LOXL4: variants seen among roughly 807,000 people sequenced by gnomAD.
The protein encoded by LOXL4 is lysyl oxidase like 4.
LOXL4 carries 72 observed loss-of-function variants against 89.1 expected under a neutral mutation model. The observed-to-expected ratio is 0.81, with a 90% CI of 0.67 to 0.98. The LOEUF (loss-of-function observed/expected upper bound fraction) is 0.98. Ranked by LOEUF, LOXL4 falls within the 50% of genes least tolerant of loss-of-function variation. The probability of loss-of-function intolerance (pLI) is 0.00; values close to 1 mark genes in which losing one functional copy is unlikely to be tolerated. For missense variants in LOXL4, 984 were observed against 1,017.5 expected (o/e 0.97, Z 0.45); for synonymous variants, 355 against 392.1 (o/e 0.91, Z 1.12).
At chr10:98,251,039 C>G (rs1858175299) in intron 14 of LOXL4, 26 bp downstream of exon 14, 1 of 1,551,220 alleles carries the variant, frequency 6.4e-7, no homozygotes, top group Non-Finnish European at 8.9e-7. Context: ...CTATAGATGG[C>G]TGATTCCACA....
At chr10:98,255,802 T>G in intron 9 of LOXL4, 63 bp from the exon 10 acceptor site, 3 of 1,561,934 alleles carry the variant, frequency 1.9e-6, no homozygotes, top group Non-Finnish European at 2.6e-6. Flanking sequence ...GACTCCCATC[T>G]GAGGTGTGGC....
At chr10:98,249,106 G>C in intron 14 of LOXL4, 115 bp from the exon 15 acceptor site, 1 of 757,954 alleles carries the variant, frequency 1.3e-6, no homozygotes, top group South Asian at 1.6e-5. Context: ...TCATGGCATG[G>C]GCACAGACAC....
chr10:98,251,396 G>C (rs936851760), intron 13 of LOXL4, among the ~76,000 whole-genome samples, 170 bp downstream of exon 13: 8 of 152,224 alleles, frequency 5.3e-5, no homozygotes, highest in Non-Finnish European at 1.2e-4. Flanking sequence ...CTCAAACACA[G>C]GTTCATTGGA....
intron 6 of LOXL4, among the ~76,000 whole-genome samples, chr10:98,258,525 G>A (rs541060749): frequency 2.7e-5 from 4 of 150,492 alleles, no homozygotes; most frequent in Admixed American, 6.6e-5. Flanking sequence ...ACCACCTCAC[G>A]AGGCCATCTC....
intron 1 of LOXL4, among the ~76,000 whole-genome samples, chr10:98,264,810 G>A (rs1195322505): frequency 1.3e-5 from 2 of 152,180 alleles, no homozygotes; most frequent in South Asian, 2.1e-4. Context: ...ACAGGGGATG[G>A]AGAAGATGGG....
At chr10:98,261,255 G>T in intron 3 of LOXL4, 128 bp from the exon 4 acceptor site, 1 of 946,658 alleles carries the variant, frequency 1.1e-6, no homozygotes, top group Non-Finnish European at 1.6e-6. Context: ...CCCGGTCATT[G>T]AACAGGCCAG....
rs1858644544 is a variant in LOXL4, at chr10:98,265,000, G to A, written c.-32-1949C>T. Among the ~76,000 whole-genome samples the A allele has an allele frequency of 2.0e-5, 3 of 152,200 alleles. No individual in the cohort carries two copies. In the South Asian group the frequency reaches 6.2e-4, roughly 32 times the overall value. ...CTTGGCCAGCAGGGCTGGGTGGAGT[G>A]GGCTCCTAAAAGTGCACTAAACAAG... On this transcript the variant is annotated intron_variant, in intron 1 of 14. Transcript: ENST00000260702.
chr10:98,248,657 C>A lies in LOXL4; in HGVS notation c.*264G>T. ...CAAGATTCAGGGATGACTGGGTTTCCTTACAGAAGAGGAGCTCAGCTGAGC... is the reference window on the plus strand; with the variant it reads ...CAAGATTCAGGGATGACTGGGTTTCATTACAGAAGAGGAGCTCAGCTGAGC... On this transcript the variant is annotated 3_prime_UTR_variant, in exon 15 of 15. Transcript: ENST00000260702. 2.3e-6 allele frequency: 1 copy of A among 426,512 alleles called. No individual in the cohort carries two copies. The highest frequency in any genetic ancestry group is 4.2e-6 in the Non-Finnish European group (1 of 236,224). 26.4% of individuals were successfully genotyped at this position (426,512 alleles called of 1,614,324 possible).
At chr10:98,261,486 G>A (rs1472830180) in intron 3 of LOXL4, among the ~76,000 whole-genome samples, 1 of 152,190 alleles carries the variant, frequency 6.6e-6, no homozygotes. Flanking sequence ...CCCTGAGAGA[G>A]CTGAGATGGG....
chr10:98,253,766 A>T lies in LOXL4; in HGVS notation c.1622T>A (p.Leu541Gln), dbSNP rs752841743. 2 of 1,614,132 alleles carry T rather than the reference A, an allele frequency of 1.2e-6. No individual in the cohort carries two copies. Among genetic ancestry groups the T allele is most frequent in the Admixed American group, 3.3e-5 (2 of 60,028 alleles). Residue 541 changes from leucine to glutamine, a missense_variant, in exon 11 of 15, where the codon CTA (leucine) becomes CAA (glutamine). By Grantham distance (113) the Leu-to-Gln change is moderately radical. Transcript: ENST00000260702. ...CTCCAAGTAGGCCGTCTCCTGCACT[A>T]GCTGGGCGTTCATCACCAGGTCTGG... is the stretch of plus-strand genomic sequence containing the variant. Reference protein sequence around the residue: ...SAPDLVMNAQLVQETAYLEDR... With the variant: ...SAPDLVMNAQQVQETAYLEDR...
At position 98,253,816 on chromosome 10, in the gene LOXL4, G is replaced by A. The variant is rs1365906308; in HGVS notation, c.1592-20C>T. ...GTGCACCTGGGGCGGCGGAGGGCAT[G>A]GCAGTGACTCAAAGGGTGGAAAGGC... On this transcript the variant is annotated intron_variant, in intron 10 of 14. Coordinates refer to ENST00000260702, the MANE Select transcript of LOXL4 (RefSeq NM_032211.7). 3 of 1,613,120 alleles carry A rather than the reference G, an allele frequency of 1.9e-6. No individual in the cohort carries two copies. In the Admixed American group the frequency reaches 5.0e-5, roughly 27 times the overall value.
At chr10:98,257,901 C>A in intron 7 of LOXL4, 80 bp downstream of exon 7, 1 of 1,581,664 alleles carries the variant, frequency 6.3e-7, no homozygotes. Flanking sequence ...TCTGTCCTGG[C>A]CCTGTCACCC....
At chr10:98,266,570 G>A (rs1858693238) in intron 1 of LOXL4, among the ~76,000 whole-genome samples, 1 of 152,136 alleles carries the variant, frequency 6.6e-6, no homozygotes, top group Non-Finnish European at 1.5e-5. Context: ...GGCCAGGGAA[G>A]CTCCCTTCCA....
At chr10:98,254,781 T>TG (rs1354641883) in intron 10 of LOXL4, among the ~76,000 whole-genome samples, 3 of 152,158 alleles carry the variant, frequency 2.0e-5, no homozygotes, top group Non-Finnish European at 4.4e-5. Context: ...GCCTTGGTGA[T>TG]GGGGAGGTCC....
In LOXL4 at chr10:98,266,959, G is replaced by A. The variant is rs114128435; in HGVS notation, c.-33+1173C>T. ...CTCCCTCAGAGAAGGAAGCGGCCTCGAAAGTGGCCGTTACTTTCCCAAATA... is the reference window on the plus strand; with the variant it reads ...CTCCCTCAGAGAAGGAAGCGGCCTCAAAAGTGGCCGTTACTTTCCCAAATA... On this transcript the variant is annotated intron_variant, in intron 1 of 14. Transcript: ENST00000260702. Among the ~76,000 whole-genome samples the A allele has an allele frequency of 1.7e-3, 264 of 152,302 alleles. 1 individual carries two copies. The highest frequency in any genetic ancestry group is 6.1e-3 in the African/African-American group (253 of 41,566).
Position 98,253,574 on chromosome 10 carries a change from C to G in LOXL4, c.1814G>C (p.Trp605Ser). 6.2e-7 allele frequency: 1 copy of G among 1,614,262 alleles called. No homozygotes were observed. Among genetic ancestry groups the G allele is most frequent in the Non-Finnish European group, 8.5e-7 (1 of 1,180,052 alleles). Reference protein sequence around the residue: ...DFRPKTGRDSWVWHQCHRHYH... With the variant: ...DFRPKTGRDSSVWHQCHRHYH... ...TAACCTGTGGCACTGGTGCCAAACC[C>G]AGCTATCGCGTCCAGTCTTTGGACG... The change falls in exon 11 of 15, where the codon TGG becomes TCG. Residue 605 changes from tryptophan to serine, a missense_variant. Coordinates refer to ENST00000260702, the MANE Select transcript of LOXL4 (RefSeq NM_032211.7).
rs1288127048 is a variant in LOXL4, at chr10:98,253,762, C to T, written c.1626G>A (p.Val542=). ...GGTCCTCCAAGTAGGCCGTCTCCTG[C>T]ACTAGCTGGGCGTTCATCACCAGGT... ...APDLVMNAQL[V]QETAYLEDRP... is the part of the protein sequence containing the mutation. Residue 542 remains valine, a synonymous_variant, in exon 11 of 15, where the codon GTG becomes GTA. Coordinates refer to ENST00000260702, the MANE Select transcript of LOXL4 (RefSeq NM_032211.7). The T allele has an allele frequency of 6.2e-7, 1 of 1,614,038 alleles. No homozygotes were observed. The highest frequency in any genetic ancestry group is 2.2e-5 in the East Asian group (1 of 44,896).
intron 14 of LOXL4, among the ~76,000 whole-genome samples, chr10:98,249,324 T>G (rs1206504423): frequency 6.6e-6 from 1 of 152,206 alleles, no homozygotes; most frequent in Non-Finnish European, 1.5e-5. Flanking sequence ...TTTTTTTGTT[T>G]GTTTGAGTTG....
In LOXL4 at chr10:98,259,426, T is replaced by G; in HGVS notation, c.666A>C (p.Lys222Asn). The part of the protein sequence containing the change: ...EVPVDSHYYR[K>N]VWDLKMRDPK... ...GGTCCCTCATCTTCAGATCCCAGAC[T>G]TTCCTGTTATGGGAGAAAACAGATA... Residue 222 changes from lysine (K) to asparagine (N), a missense_variant, in exon 5 of 15, where the codon AAA (lysine) becomes AAC (asparagine). Transcript: ENST00000260702. 6.2e-7 allele frequency: 1 copy of G among 1,613,084 alleles called. No individual in the cohort carries two copies. The highest frequency in any genetic ancestry group is 1.1e-5 in the South Asian group (1 of 90,770).
Sources: allele counts gnomAD v4.1 joint callset (sites outside exome capture counted in the v4.1 genomes callset), GRCh38; gene constraint gnomAD v4.1.1; transcripts MANE v1.5; gene names NCBI Gene and HGNC (gene_info 2026-07-23, HGNC 2026-07-21).